Variants in TRAPPC9 observed in about 807,000 individuals in gnomAD.
TRAPPC9 encodes trafficking protein particle complex subunit 9.
A neutral mutation model predicts 124.0 loss-of-function variants in TRAPPC9; 83 were observed. The ratio of observed to expected loss-of-function variants is 0.67; its 90% CI spans 0.56 to 0.80. The LOEUF is 0.80. Among genes scored for constraint, TRAPPC9 ranks in the 30% least tolerant of loss-of-function variants. The probability of loss-of-function intolerance (pLI) is 0.00; values close to 1 mark genes in which losing one functional copy is unlikely to be tolerated. For missense variants in TRAPPC9, 1,302 were observed against 1,508.3 expected (o/e 0.86, Z 2.27); for synonymous variants, 638 against 617.5 (o/e 1.03, Z -0.49).
chr8:139,796,157 A>AGAGGAGGAGGAGGAGGAGAAGGAT (rs1823077729), intron 21 of TRAPPC9, among the ~76,000 whole-genome samples: 1 of 149,578 alleles, frequency 6.7e-6, no homozygotes, highest in Non-Finnish European at 1.5e-5. Flanking sequence ...AGGAGGAGGA[A>AGAGGAGGAGGAGGAGGAGAAGGAT]GAGGAGGAGG....
intron 17 of TRAPPC9, among the ~76,000 whole-genome samples, chr8:140,214,947 G>A (rs936575164): frequency 6.6e-6 from 1 of 152,122 alleles, no homozygotes; most frequent in Admixed American, 6.5e-5. Flanking sequence ...GGTTTAGCAC[G>A]ATTCCAATTA....
At chr8:140,331,605 T>C (rs1346382681) in intron 9 of TRAPPC9, among the ~76,000 whole-genome samples, 1 of 114,416 alleles carries the variant, frequency 8.7e-6, no homozygotes, top group East Asian at 2.8e-4. Flanking sequence ...ATAAAGGAAC[T>C]CAACAGCAAA....
chr8:140,299,080 G>A (rs1308840657), intron 11 of TRAPPC9, among the ~76,000 whole-genome samples: 3 of 152,366 alleles, frequency 2.0e-5, no homozygotes, highest in East Asian at 3.9e-4. Context: ...CCCTCTGAGG[G>A]AGGGGGCATT....
At chr8:139,901,898 G>A (rs1831044208) in intron 20 of TRAPPC9, among the ~76,000 whole-genome samples, 1 of 152,190 alleles carries the variant, frequency 6.6e-6, no homozygotes, top group South Asian at 2.1e-4. Context: ...ACTTCAGAGA[G>A]TTGTTGTGAA....
chr8:139,864,194 C>T (rs1010532294), intron 21 of TRAPPC9, among the ~76,000 whole-genome samples: 1 of 152,194 alleles, frequency 6.6e-6, no homozygotes, highest in African/African-American at 2.4e-5. Flanking sequence ...CAAGAGATTC[C>T]ATTCACTGGT....
chr8:140,093,319 T>C (rs1844696493), intron 17 of TRAPPC9, among the ~76,000 whole-genome samples: 1 of 152,170 alleles, frequency 6.6e-6, no homozygotes. Flanking sequence ...TAGTGGATGA[T>C]TCCCAGCAGA....
intron 2 of TRAPPC9, among the ~76,000 whole-genome samples, chr8:140,441,256 C>T (rs971237344): frequency 1.4e-4 from 21 of 152,082 alleles, no homozygotes; most frequent in African/African-American, 5.1e-4. Flanking sequence ...GCTGGGATTA[C>T]AGTTCTTTGC....
At chr8:140,229,815 C>T (rs529764625) in intron 16 of TRAPPC9, among the ~76,000 whole-genome samples, 1 of 152,208 alleles carries the variant, frequency 6.6e-6, no homozygotes, top group Admixed American at 6.5e-5. Context: ...GCCTTGGCCT[C>T]CCAAAGTGCT....
chr8:140,422,823 G>C (rs2070269342), intron 5 of TRAPPC9, among the ~76,000 whole-genome samples: 1 of 151,254 alleles, frequency 6.6e-6, no homozygotes, highest in South Asian at 2.1e-4. Flanking sequence ...TTAAAAATTG[G>C]TAACTATCTA....
intron 21 of TRAPPC9, among the ~76,000 whole-genome samples, chr8:139,820,570 A>G (rs182323260): frequency 3.3e-5 from 5 of 152,378 alleles, no homozygotes; most frequent in Admixed American, 2.0e-4. Flanking sequence ...TTTAAACTGG[A>G]TAATATGTTC....
At chr8:140,054,540 A>C (rs1196040104) in intron 17 of TRAPPC9, among the ~76,000 whole-genome samples, 1 of 152,208 alleles carries the variant, frequency 6.6e-6, no homozygotes, top group African/African-American at 2.4e-5. Flanking sequence ...CATCAGCACA[A>C]GGAAGACAAT....
chr8:140,393,964 G>A (rs372107809), intron 7 of TRAPPC9, among the ~76,000 whole-genome samples: 1 of 152,236 alleles, frequency 6.6e-6, no homozygotes, highest in East Asian at 1.9e-4. Flanking sequence ...GTCCCCGCCC[G>A]CCCAGCATGG....
intron 17 of TRAPPC9, among the ~76,000 whole-genome samples, chr8:140,142,799 C>T: frequency 6.6e-6 from 1 of 152,304 alleles, no homozygotes; most frequent in East Asian, 1.9e-4. Context: ...CTCTCCAAAC[C>T]TTCATTTCTT....
intron 2 of TRAPPC9, among the ~76,000 whole-genome samples, chr8:140,448,106 A>G (rs973692016): frequency 1.6e-4 from 23 of 146,156 alleles, no homozygotes; most frequent in African/African-American, 5.3e-4. Flanking sequence ...AGACTGCACC[A>G]CCACACTCCA....
At chr8:140,221,663 G>C in intron 16 of TRAPPC9, 80 bp from the exon 17 acceptor site, 1 of 1,525,110 alleles carries the variant, frequency 6.6e-7, no homozygotes. Context: ...GTTTGGGACG[G>C]GTCTCGCTCT....
intron 2 of TRAPPC9, among the ~76,000 whole-genome samples, chr8:140,442,709 C>T (rs2132649703): frequency 6.6e-6 from 1 of 152,058 alleles, no homozygotes; most frequent in South Asian, 2.1e-4. Context: ...ATTTATCTGG[C>T]AAATAAATTT....
intron 17 of TRAPPC9, among the ~76,000 whole-genome samples, chr8:140,054,586 A>G (rs1842194579): frequency 6.6e-6 from 1 of 152,206 alleles, no homozygotes; most frequent in Admixed American, 6.5e-5. Flanking sequence ...AATAGAGAAT[A>G]CAAAAATGAT....
chr8:140,217,148 A>G (rs953970962), intron 17 of TRAPPC9, among the ~76,000 whole-genome samples: 2 of 152,220 alleles, frequency 1.3e-5, no homozygotes, highest in South Asian at 4.1e-4. Context: ...AAAGAGGCAG[A>G]GTGAGGGAGG....
At chr8:140,202,286 AC>A (rs2062810081) in intron 17 of TRAPPC9, among the ~76,000 whole-genome samples, 2 of 152,174 alleles carry the variant, frequency 1.3e-5, no homozygotes, top group South Asian at 4.1e-4. Context: ...CAGAATAATG[AC>A]TGTAAGTGAA....
Sources: allele counts gnomAD v4.1 joint callset (sites outside exome capture counted in the v4.1 genomes callset), GRCh38; gene constraint gnomAD v4.1.1; transcripts MANE v1.5; gene names NCBI Gene and HGNC (gene_info 2026-07-23, HGNC 2026-07-21).